Variants in NPHS2 observed in about 807,000 individuals in gnomAD.
NPHS2 encodes the protein NPHS2 stomatin family member, podocin.
NPHS2 carries 36 observed loss-of-function variants against 37.1 expected under a neutral mutation model. The observed-to-expected ratio is 0.97, with a 90% CI of 0.74 to 1.28. The LOEUF (loss-of-function observed/expected upper bound fraction) is 1.28, where lower values mean the gene tolerates loss of function less well. Ranked by LOEUF, NPHS2 falls within the 50% of genes most tolerant of loss-of-function variation. The pLI is 0.00. For synonymous variants in NPHS2, 196 were observed against 189.3 expected (o/e 1.04, Z -0.29); for missense variants, 447 against 488.1 (o/e 0.92, Z 0.79).
intron 1 of NPHS2, among the ~76,000 whole-genome samples, chr1:179,567,463 T>C (rs1674379390): frequency 1.3e-5 from 2 of 152,230 alleles, no homozygotes; most frequent in African/African-American, 2.4e-5. Flanking sequence ...AAGGAGATTT[T>C]GGGCTGAGAT....
At chr1:179,555,773 G>A (rs1355303879) in intron 5 of NPHS2, among the ~76,000 whole-genome samples, 1 of 152,224 alleles carries the variant, frequency 6.6e-6, no homozygotes, top group Admixed American at 6.5e-5. Context: ...GATTCAGTGG[G>A]AGAAGGGTGG....
At chr1:179,560,572 T>C (rs1674098865) in intron 3 of NPHS2, among the ~76,000 whole-genome samples, 1 of 152,050 alleles carries the variant, frequency 6.6e-6, no homozygotes, top group Non-Finnish European at 1.5e-5. Flanking sequence ...ATCTTCAAAC[T>C]CTGATATTTG....
In NPHS2 at chr1:179,551,274, A is replaced by G; in HGVS notation, c.1051T>C (p.Ser351Pro). Residue 351 changes from serine to proline, a missense_variant, in exon 8 of 8, where the codon TCT (serine) becomes CCT (proline). Coordinates refer to ENST00000367615, the MANE Select transcript of NPHS2 (RefSeq NM_014625.4). The part of the protein sequence containing the change: ...PLPFDLLNCL[S>P]SPSNRTQGSL... ...CCCTGAGTTCTGTTGCTGGGAGAAG[A>G]CAGGCAATTCAGTAGGTCAAATGGC... 1 of 1,614,106 alleles carries G rather than the reference A, an allele frequency of 6.2e-7. No individual in the cohort carries two copies. The highest frequency in any genetic ancestry group is 1.7e-5 in the Admixed American group (1 of 60,006).
chr1:179,563,634 G>A (rs1674229909), intron 2 of NPHS2, among the ~76,000 whole-genome samples: 1 of 152,138 alleles, frequency 6.6e-6, no homozygotes, highest in Non-Finnish European at 1.5e-5. Flanking sequence ...TTATTACAAT[G>A]AAGTTAAATT....
Position 179,574,037 on chromosome 1 carries a change from G to A in NPHS2, c.274+1554C>T, listed in dbSNP as rs552361268. Among the ~76,000 whole-genome samples the A allele has an allele frequency of 2.6e-5, 4 of 152,258 alleles. No homozygotes were observed. In the East Asian group the frequency reaches 7.7e-4, roughly 29 times the overall value. On this transcript the variant is annotated intron_variant, in intron 1 of 7. Transcript: ENST00000367615. ...GGAGTGTGGTGCTAGGTGAAAAAGA[G>A]GAGGGGATGTTACTCTCTGTTCCCC...
rs1673959611 is a variant in NPHS2, at chr1:179,557,092, G to A, written c.673C>T (p.Leu225Phe). The part of the protein sequence containing the change: ...QFLVQTTMKR[L>F]LAHRSLTEIL... ...TCAGTGAGGGATCGATGTGCTAGGA[G>A]ACGCTTCATAGTGGTTTGCACAAGG... Residue 225 changes from leucine (L) to phenylalanine (F), a missense_variant, in exon 5 of 8, where the codon CTC becomes TTC. Leu to Phe is a conservative substitution (Grantham distance 22, BLOSUM62 0). Coordinates refer to ENST00000367615, the MANE Select transcript of NPHS2 (RefSeq NM_014625.4). 1.9e-6 allele frequency: 3 copies of A among 1,614,094 alleles called. No individual in the cohort carries two copies. Among genetic ancestry groups the A allele is most frequent in the Non-Finnish European group, 2.5e-6 (3 of 1,179,976 alleles).
At chr1:179,557,408 GA>G (rs755476532) in intron 4 of NPHS2, among the ~76,000 whole-genome samples, 178 bp from the exon 5 acceptor site, 4 of 152,048 alleles carry the variant, frequency 2.6e-5, no homozygotes, top group Non-Finnish European at 4.4e-5. Flanking sequence ...TTAAATACAC[GA>G]AAGAATGCAC....
At chr1:179,565,879 T>C (rs1674316248) in intron 1 of NPHS2, among the ~76,000 whole-genome samples, 1 of 152,342 alleles carries the variant, frequency 6.6e-6, no homozygotes, top group South Asian at 2.1e-4. Context: ...GCTTCATCCA[T>C]GTCCCTACAA....
At chr1:179,564,421 A>G (rs1339899088) in intron 2 of NPHS2, among the ~76,000 whole-genome samples, 1 of 152,218 alleles carries the variant, frequency 6.6e-6, no homozygotes, top group Non-Finnish European at 1.5e-5. Flanking sequence ...TAGCCAATAT[A>G]ATACACATGG....
intron 1 of NPHS2, among the ~76,000 whole-genome samples, chr1:179,573,511 A>G (rs1674643030): frequency 6.6e-6 from 1 of 152,154 alleles, no homozygotes; most frequent in African/African-American, 2.4e-5. Flanking sequence ...ACCAGGTAAT[A>G]TTTTCTCTAA....
Position 179,575,932 on chromosome 1 carries a change from T to A in NPHS2, c.-68A>T. ...TAGGGGCACGGGAGCGCAGTCCCTG[T>A]GGAGTCGCTGCGGGTCCGCGTGGCG... On this transcript the variant is annotated 5_prime_UTR_variant, in exon 1 of 8. Transcript: ENST00000367615. 1 of 1,297,952 alleles carries A rather than the reference T, an allele frequency of 7.7e-7. No individual in the cohort carries two copies. Among genetic ancestry groups the A allele is most frequent in the South Asian group, 2.4e-5 (1 of 42,270 alleles). The allele number at this position is 1,297,952 out of a possible 1,614,324, so 80.4% of individuals were successfully genotyped here. A position where few individuals can be genotyped will look rare whatever the true frequency, so the allele number is the denominator to read the frequency against.
chr1:179,568,706 C>T (rs550794907), intron 1 of NPHS2, among the ~76,000 whole-genome samples: 1 of 152,314 alleles, frequency 6.6e-6, no homozygotes, highest in East Asian at 1.9e-4. Context: ...AAATTTTCCT[C>T]TACATCCTGC....
chr1:179,567,479 G>C (rs1462092513), intron 1 of NPHS2, among the ~76,000 whole-genome samples: 1 of 152,086 alleles, frequency 6.6e-6, no homozygotes, highest in Non-Finnish European at 1.5e-5. Context: ...GAGATGATGG[G>C]GTTTTCTAAA....
intron 4 of NPHS2, among the ~76,000 whole-genome samples, chr1:179,559,390 A>AT (rs138032414): frequency 6.6e-6 from 1 of 152,164 alleles, no homozygotes; most frequent in South Asian, 2.1e-4. Context: ...TTCTTTGCCC[A>AT]TTTTTAAAAT....
intron 7 of NPHS2, 132 bp downstream of exon 7, chr1:179,552,471 A>G: frequency 8.2e-6 from 6 of 731,724 alleles, no homozygotes; most frequent in Non-Finnish European, 1.5e-5. Flanking sequence ...AGCAATTTTA[A>G]TAGAGTTGTA....
chr1:179,560,695 C>T (rs1339621007), intron 3 of NPHS2, among the ~76,000 whole-genome samples: 2 of 152,090 alleles, frequency 1.3e-5, no homozygotes, highest in East Asian at 3.9e-4. Flanking sequence ...CTCCAAACCC[C>T]CACTACTAAA....
chr1:179,567,556 ATTTC>A (rs1448720095), intron 1 of NPHS2, among the ~76,000 whole-genome samples: 1 of 152,086 alleles, frequency 6.6e-6, no homozygotes, highest in East Asian at 1.9e-4. Context: ...AATACCCTTT[ATTTC>A]TTTCTGTTGC....
At chr1:179,566,162 G>T (rs1173826780) in intron 1 of NPHS2, among the ~76,000 whole-genome samples, 1 of 152,256 alleles carries the variant, frequency 6.6e-6, no homozygotes, top group Non-Finnish European at 1.5e-5. Context: ...CACAATGGTT[G>T]AACTAATTTA....
intron 3 of NPHS2, 139 bp from the exon 4 acceptor site, chr1:179,559,900 C>T (rs1674073632): frequency 1.6e-6 from 1 of 629,126 alleles, no homozygotes. Context: ...CCCACCTCCA[C>T]CTGAGGGTAA....
Sources: gnomAD v4.1 joint callset for allele counts (sites outside exome capture counted in the v4.1 genomes callset) on GRCh38, gnomAD v4.1.1 for gene constraint, MANE v1.5 for transcripts, NCBI Gene and HGNC (gene_info 2026-07-23, HGNC 2026-07-21) for gene names.